Variants in ARHGAP6 observed in about 807,000 individuals in gnomAD.
ARHGAP6 encodes the protein Rho GTPase activating protein 6.
In ARHGAP6, 16 loss-of-function variants were observed where a neutral mutation model predicts 55.7. The observed-to-expected ratio is 0.29, with a 90% confidence interval of 0.19 to 0.44. The LOEUF (loss-of-function observed/expected upper bound fraction) is 0.44, where lower values mean the gene tolerates loss of function less well. Ranked by LOEUF, ARHGAP6 falls within the 20% of genes least tolerant of loss-of-function variation. ARHGAP6 has a pLI of 1.00. For synonymous variants in ARHGAP6, 382 were observed against 360.9 expected (o/e 1.06, Z -0.66); for missense variants, 698 against 808.9 (o/e 0.86, Z 1.66).
intron 1 of ARHGAP6, among the ~76,000 whole-genome samples, chrX:11,501,208 T>C (rs1241995469): frequency 8.9e-6 from 1 of 111,944 alleles, no homozygotes; most frequent in Non-Finnish European, 1.9e-5. Context: ...CCCAGCACTT[T>C]GGGAAGCTGA....
chrX:11,479,369 T>C (rs2050433973), intron 1 of ARHGAP6, among the ~76,000 whole-genome samples: 1 of 112,397 alleles, frequency 8.9e-6, no homozygotes, highest in Non-Finnish European at 1.9e-5. Context: ...AGATTTAATG[T>C]TGGAGACACC....
intron 1 of ARHGAP6, among the ~76,000 whole-genome samples, chrX:11,612,894 A>G (rs1406892258): frequency 8.9e-6 from 1 of 112,475 alleles, no homozygotes; most frequent in Non-Finnish European, 1.9e-5. Context: ...TTGTTTATGT[A>G]CCAACCAACT....
At chrX:11,495,359 T>C (rs1183727891) in intron 1 of ARHGAP6, among the ~76,000 whole-genome samples, 1 of 112,028 alleles carries the variant, frequency 8.9e-6, no homozygotes, top group African/African-American at 3.2e-5. Flanking sequence ...AATGTGGATA[T>C]GGACACACAA....
chrX:11,186,352 G>A lies in ARHGAP6; in HGVS notation c.1157C>T (p.Pro386Leu), dbSNP rs148762160. 1.8e-5 allele frequency: 22 copies of A among 1,209,196 alleles called. No homozygotes were observed. Among genetic ancestry groups the A allele is most frequent in the Non-Finnish European group, 2.5e-5 (22 of 894,784 alleles). ...RLLEALQLSLPAEAQSKKEKA... is the reference protein window; with the variant it reads ...RLLEALQLSLLAEAQSKKEKA... ...TTCCTTTTTACTTTGAGCCTCAGCAGGCAAGGAAAGTTGTAAAGCTTCTAG... is the reference window on the plus strand; with the variant it reads ...TTCCTTTTTACTTTGAGCCTCAGCAAGCAAGGAAAGTTGTAAAGCTTCTAG... Residue 386 changes from proline (P) to leucine (L), a missense_variant, in exon 5 of 13, where the codon CCT becomes CTT. By Grantham distance (98) the Pro-to-Leu change is moderately conservative. Transcript: ENST00000337414.
chrX:11,397,801 T>C (rs756812358), intron 1 of ARHGAP6, among the ~76,000 whole-genome samples: 41 of 111,866 alleles, frequency 3.7e-4, no homozygotes, highest in Admixed American at 5.7e-4. Flanking sequence ...GAGGATCAAC[T>C]GAGCCCAGGG....
intron 2 of ARHGAP6, among the ~76,000 whole-genome samples, chrX:11,241,742 T>C (rs2047285952): frequency 8.9e-6 from 1 of 111,996 alleles, no homozygotes; most frequent in Non-Finnish European, 1.9e-5. Context: ...TTCACTTTTG[T>C]TGGTATAAGT....
In ARHGAP6 at chrX:11,427,680, T is replaced by C. The variant is rs1261293878; in HGVS notation, c.589-172973A>G. 4.8e-6 allele frequency: 4 copies of C among 831,250 alleles called. No homozygotes were observed. The East Asian group carries it at 5.6e-4, about 115-fold the overall frequency. 68.5% of individuals were successfully genotyped at this position (831,250 alleles called of 1,213,427 possible). On this transcript the variant is annotated intron_variant, in intron 1 of 12. Transcript: ENST00000337414. ...AGTTCCCCGCACTTCACTGCCATCC[T>C]GGGGCAGCCCCTGGGCGCGAGCCCT...
chrX:11,387,638 G>T (rs7059826), intron 1 of ARHGAP6, among the ~76,000 whole-genome samples: 1,230 of 111,187 alleles, frequency 0.011, 19 homozygotes, highest in African/African-American at 0.037. Flanking sequence ...GTGCCATGTT[G>T]GTGTGCTGCC....
chrX:11,611,656 T>C (rs2052103161), intron 1 of ARHGAP6, among the ~76,000 whole-genome samples: 2 of 111,898 alleles, frequency 1.8e-5, no homozygotes, highest in Non-Finnish European at 3.8e-5. Flanking sequence ...CACAATGAAT[T>C]TTTTTCAATT....
chrX:11,346,751 G>A (rs752012745), intron 1 of ARHGAP6, among the ~76,000 whole-genome samples: 1 of 109,378 alleles, frequency 9.1e-6, no homozygotes, highest in South Asian at 3.9e-4. Context: ...AAGAAAGAAA[G>A]AAAGAGAGAA....
At chrX:11,193,524 C>T (rs762462691) in intron 3 of ARHGAP6, among the ~76,000 whole-genome samples, 6 of 112,679 alleles carry the variant, frequency 5.3e-5, no homozygotes, top group Non-Finnish European at 1.1e-4. Context: ...TGTAATTAAC[C>T]TTCACTTAAG....
intron 1 of ARHGAP6, among the ~76,000 whole-genome samples, chrX:11,617,050 C>T (rs1225342741): frequency 8.9e-6 from 1 of 112,010 alleles, no homozygotes; most frequent in Non-Finnish European, 1.9e-5. Context: ...GAGCCATGAA[C>T]CACATGCAGC....
At chrX:11,542,931 C>T (rs182202906) in intron 1 of ARHGAP6, among the ~76,000 whole-genome samples, 14 of 111,234 alleles carry the variant, frequency 1.3e-4, no homozygotes, top group Non-Finnish European at 2.3e-4. Flanking sequence ...TATCAGCTAG[C>T]GCACATTAAT....
At chrX:11,420,532 G>A (rs769648860) in intron 1 of ARHGAP6, among the ~76,000 whole-genome samples, 1 of 110,898 alleles carries the variant, frequency 9.0e-6, no homozygotes, top group Non-Finnish European at 1.9e-5. Flanking sequence ...AGTTAAGAAC[G>A]GGCTCTGCAA....
chrX:11,616,036 G>C (rs2052160397), intron 1 of ARHGAP6, among the ~76,000 whole-genome samples: 1 of 111,691 alleles, frequency 9.0e-6, no homozygotes. Context: ...GAGAAGCGTA[G>C]AGAGAGGTGC....
At chrX:11,366,984 G>A (rs1199131001) in intron 1 of ARHGAP6, among the ~76,000 whole-genome samples, 1 of 111,811 alleles carries the variant, frequency 8.9e-6, no homozygotes, top group East Asian at 2.8e-4. Context: ...TCAAAGGAGA[G>A]CAAGACATAT....
intron 1 of ARHGAP6, among the ~76,000 whole-genome samples, chrX:11,551,118 A>G (rs1017429775): frequency 8.9e-6 from 1 of 112,207 alleles, no homozygotes. Context: ...GATAAAAGTC[A>G]TGGACAACAC....
At chrX:11,445,074 C>T (rs1222466520) in intron 1 of ARHGAP6, among the ~76,000 whole-genome samples, 1 of 112,451 alleles carries the variant, frequency 8.9e-6, no homozygotes, top group African/African-American at 3.2e-5. Flanking sequence ...CCATTATAAA[C>T]TCAGCAGTAA....
intron 1 of ARHGAP6, among the ~76,000 whole-genome samples, chrX:11,628,984 CGT>C (rs55999982): frequency 0.35 from 35,505 of 100,973 alleles, 4,995 homozygotes; most frequent in Non-Finnish European, 0.4. Flanking sequence ...GCTTCAGATA[CGT>C]GTGTGTGTGT....
Sources: gnomAD v4.1 joint callset for allele counts (sites outside exome capture counted in the v4.1 genomes callset) on GRCh38, gnomAD v4.1.1 for gene constraint, MANE v1.5 for transcripts, NCBI Gene and HGNC (gene_info 2026-07-23, HGNC 2026-07-21) for gene names.